ACYP2: variants seen among roughly 807,000 people sequenced by gnomAD.
The protein encoded by ACYP2 is acylphosphatase 2, also known as acylphosphatase-2.
In ACYP2, 12 loss-of-function variants were observed where a neutral mutation model predicts 11.2. That is an observed-to-expected ratio of 1.08 (90% CI 0.69 to 1.74). ACYP2 has a LOEUF of 1.74. Ranked by LOEUF, ACYP2 falls within the 40% of genes most tolerant of loss-of-function variation. ACYP2 has a pLI of 0.00. For synonymous variants in ACYP2, 43 were observed against 32.2 expected (o/e 1.33, Z -1.13); for missense variants, 134 against 101.9 (o/e 1.31, Z -1.35).
At chr2:53,983,497 C>T (rs1377328438) in intron 2 of ACYP2, among the ~76,000 whole-genome samples, 1 of 152,004 alleles carries the variant, frequency 6.6e-6, no homozygotes, top group Non-Finnish European at 1.5e-5. Context: ...CAGAGCAAGA[C>T]CCTGTCTCAA....
At chr2:54,248,421 T>A (rs1458585365) in intron 6 of ACYP2, among the ~76,000 whole-genome samples, 3 of 152,142 alleles carry the variant, frequency 2.0e-5, no homozygotes, top group South Asian at 2.1e-4. Context: ...ACTTAAAGGG[T>A]CCACTTTGTG....
At chr2:54,014,335 CTTTT>C (rs1314612608) in intron 2 of ACYP2, among the ~76,000 whole-genome samples, 2 of 151,836 alleles carry the variant, frequency 1.3e-5, no homozygotes, top group Non-Finnish European at 2.9e-5. Context: ...TTCTTTCTTT[CTTTT>C]TTTGAGATGA....
chr2:53,971,732 G>C (rs1339733955), intron 1 of ACYP2, among the ~76,000 whole-genome samples: 5 of 152,240 alleles, frequency 3.3e-5, no homozygotes, highest in Admixed American at 2.6e-4. Flanking sequence ...GGGGGTTTGA[G>C]AGGGTGTCAT....
chr2:54,246,631 T>C (rs1016503947), intron 6 of ACYP2, among the ~76,000 whole-genome samples: 3 of 152,182 alleles, frequency 2.0e-5, no homozygotes, highest in African/African-American at 4.8e-5. Context: ...GGGTTTTCTA[T>C]ATTCATCAGA....
chr2:54,013,324 CAG>C (rs1053893069), intron 2 of ACYP2, among the ~76,000 whole-genome samples: 4 of 132,504 alleles, frequency 3.0e-5, no homozygotes, highest in African/African-American at 1.1e-4. Context: ...TGTTTTGAGA[CAG>C]AGTCTTGCTC....
intron 6 of ACYP2, chr2:54,255,884 C>A: frequency 6.2e-7 from 1 of 1,614,084 alleles, no homozygotes; most frequent in Non-Finnish European, 8.5e-7. Context: ...GGTGGAGTCA[C>A]TTCCTGCCCC....
chr2:54,106,099 G>A (rs976741337), intron 4 of ACYP2, among the ~76,000 whole-genome samples: 19 of 152,244 alleles, frequency 1.2e-4, no homozygotes, highest in African/African-American at 4.3e-4. Context: ...CACTGCAAAT[G>A]TAAGTTAATG....
chr2:54,026,473 GTACAACTACTA>G (rs1674292858), intron 2 of ACYP2, among the ~76,000 whole-genome samples: 1 of 152,182 alleles, frequency 6.6e-6, no homozygotes, highest in South Asian at 2.1e-4. Context: ...ATGTAAACTA[GTACAACTACTA>G]TGGAAAACAG....
intron 4 of ACYP2, among the ~76,000 whole-genome samples, chr2:54,105,996 C>T (rs1270352580): frequency 6.6e-6 from 1 of 151,844 alleles, no homozygotes; most frequent in Non-Finnish European, 1.5e-5. Flanking sequence ...ATTTCTTTGT[C>T]TTTAAAGTAT....
chr2:54,054,097 T>C (rs1012090080), intron 3 of ACYP2, among the ~76,000 whole-genome samples: 1 of 152,172 alleles, frequency 6.6e-6, no homozygotes, highest in Non-Finnish European at 1.5e-5. Context: ...AGTTTCGAGA[T>C]AGGGATTTTC....
At chr2:54,029,409 TCATATATATA>T (rs1249019331) in intron 2 of ACYP2, 5 of 172,038 alleles carry the variant, frequency 2.9e-5, no homozygotes, top group African/African-American at 4.8e-5. Flanking sequence ...CGTCCAGAGG[TCATATATATA>T]CATATATATA....
intron 2 of ACYP2, among the ~76,000 whole-genome samples, chr2:53,997,632 G>A (rs2104524752): frequency 6.6e-6 from 1 of 152,140 alleles, no homozygotes; most frequent in East Asian, 1.9e-4. Context: ...TAGTACTCAA[G>A]TTTTAATGAG....
intron 5 of ACYP2, among the ~76,000 whole-genome samples, chr2:54,138,059 T>C (rs1681364188): frequency 6.6e-6 from 1 of 151,474 alleles, no homozygotes; most frequent in African/African-American, 2.4e-5. Context: ...TTTCATATGC[T>C]TCTTGGCCAC....
intron 6 of ACYP2, among the ~76,000 whole-genome samples, chr2:54,288,093 C>T (rs1689154722): frequency 6.6e-6 from 1 of 151,962 alleles, no homozygotes; most frequent in African/African-American, 2.4e-5. Flanking sequence ...GTTCCCTTCA[C>T]CTTTCCTCTA....
At chr2:54,103,920 G>A (rs894347970) in intron 4 of ACYP2, among the ~76,000 whole-genome samples, 1 of 152,144 alleles carries the variant, frequency 6.6e-6, no homozygotes, top group South Asian at 2.1e-4. Context: ...CATGCAGCAG[G>A]CAGAGGAAAT....
chr2:54,105,152 C>T (rs1249729211), intron 4 of ACYP2, among the ~76,000 whole-genome samples: 5 of 152,170 alleles, frequency 3.3e-5, no homozygotes, highest in East Asian at 1.9e-4. Context: ...CACTCTTCCC[C>T]GGCTTCCCAC....
chr2:53,973,897 GTGTGTATA>G (rs1558445408), intron 2 of ACYP2: 2 of 80,964 alleles, frequency 2.5e-5, no homozygotes, highest in African/African-American at 7.0e-5. Context: ...GTGTGTGTGT[GTGTGTATA>G]TATTTTTTTT....
chr2:54,207,293 A>C (rs1449054760), intron 6 of ACYP2, among the ~76,000 whole-genome samples: 1 of 151,688 alleles, frequency 6.6e-6, no homozygotes, highest in East Asian at 1.9e-4. Flanking sequence ...CTAGAAATTC[A>C]AGTAAGAGTT....
chr2:54,246,801 G>A (rs1247745422), intron 6 of ACYP2, among the ~76,000 whole-genome samples: 1 of 152,084 alleles, frequency 6.6e-6, no homozygotes, highest in Non-Finnish European at 1.5e-5. Context: ...TACCTCTAGT[G>A]TTGTCCTGCT....
Sources: gnomAD v4.1 joint callset for allele counts (sites outside exome capture counted in the v4.1 genomes callset) on GRCh38, gnomAD v4.1.1 for gene constraint, MANE v1.5 for transcripts, NCBI Gene and HGNC (gene_info 2026-07-23, HGNC 2026-07-21) for gene names.